PPP1R1C: variants seen among roughly 807,000 people sequenced by gnomAD.
The protein encoded by PPP1R1C is protein phosphatase 1 regulatory inhibitor subunit 1C.
In PPP1R1C, 15 loss-of-function variants were observed where a neutral mutation model predicts 17.4. The ratio of observed to expected loss-of-function variants is 0.86; its 90% CI spans 0.58 to 1.33. The LOEUF (loss-of-function observed/expected upper bound fraction) is 1.33. Ranked by LOEUF, PPP1R1C falls within the 40% of genes most tolerant of loss-of-function variation. The pLI, the probability that PPP1R1C is intolerant of heterozygous loss-of-function variation, is 0.00. For synonymous variants in PPP1R1C, 35 were observed against 43.1 expected, an observed-to-expected ratio of 0.81 and a Z score of 0.73; for missense variants, 143 against 130.0, an observed-to-expected ratio of 1.10 and a Z score of -0.48.
At chr2:182,001,809 A>G (rs955365257) in intron 2 of PPP1R1C, among the ~76,000 whole-genome samples, 1 of 152,154 alleles carries the variant, frequency 6.6e-6, no homozygotes, top group Non-Finnish European at 1.5e-5. Flanking sequence ...CTATGTAAGC[A>G]GAACTTAATG....
intron 2 of PPP1R1C, among the ~76,000 whole-genome samples, chr2:182,022,476 G>A (rs1686456918): frequency 1.3e-5 from 2 of 152,194 alleles, no homozygotes; most frequent in South Asian, 2.1e-4. Context: ...ACTTTAAAAT[G>A]TGGCAGTGAA....
chr2:181,968,984 A>C (rs1684956020), intron 1 of PPP1R1C, among the ~76,000 whole-genome samples: 1 of 152,164 alleles, frequency 6.6e-6, no homozygotes, highest in South Asian at 2.1e-4. Context: ...AACAAATAAA[A>C]TCTGTAAATT....
chr2:182,089,900 T>C (rs890803936), intron 4 of PPP1R1C, among the ~76,000 whole-genome samples: 3 of 152,060 alleles, frequency 2.0e-5, no homozygotes, highest in Admixed American at 1.3e-4. Flanking sequence ...CATTATCTTC[T>C]AATGGCATAA....
intron 2 of PPP1R1C, among the ~76,000 whole-genome samples, chr2:182,024,788 G>C (rs978682865): frequency 4.6e-5 from 7 of 151,972 alleles, no homozygotes; most frequent in Non-Finnish European, 1.0e-4. Context: ...CCAGGAGGCA[G>C]AGGTTGCAGT....
At chr2:182,007,851 A>G (rs531026222) in intron 2 of PPP1R1C, among the ~76,000 whole-genome samples, 25 of 152,290 alleles carry the variant, frequency 1.6e-4, no homozygotes, top group African/African-American at 5.8e-4. Flanking sequence ...TCACGAGGTC[A>G]GGAGATCGAG....
intron 2 of PPP1R1C, among the ~76,000 whole-genome samples, chr2:181,997,854 A>C (rs908540675): frequency 2.0e-5 from 3 of 152,218 alleles, no homozygotes; most frequent in Admixed American, 1.3e-4. Context: ...CATTACAGTT[A>C]ATTTTATCCC....
Position 181,962,254 on chromosome 2 carries a change from TC to T in PPP1R1C, n.111+7623del. 1.4e-6 allele frequency: 1 copy of T among 733,168 alleles called. No homozygotes were observed. The allele number at this position is 733,168 out of a possible 1,614,324, so 45.4% of individuals were successfully genotyped here. On this transcript the variant is annotated intron_variant and non_coding_transcript_variant, in intron 1 of 5. Transcript: ENST00000464264. This position sits in a 1 kb window ranked among gnomAD's most constrained non-coding sequence, Gnocchi z 6.0. The stretch of plus-strand genomic sequence containing the variant: ...TTGTCTCCTTCTTATTCTGGATGCC[TC>T]CCATTCCTGCCAGACCCCCGGCCAT...
At chr2:182,070,265 A>G (rs757428160) in intron 4 of PPP1R1C, among the ~76,000 whole-genome samples, 1 of 152,230 alleles carries the variant, frequency 6.6e-6, no homozygotes, top group Non-Finnish European at 1.5e-5. Flanking sequence ...CCTCCTGCTC[A>G]TGCACACTTG....
Position 181,986,006 on chromosome 2 carries a change from C to T in PPP1R1C, c.-105C>T, listed in dbSNP as rs1317783669. ...AATTACAGCTATTTATTACGAAGCACTCTGTGTGGCTTAGTGGAGTGTGTC... is the reference window on the plus strand; with the variant it reads ...AATTACAGCTATTTATTACGAAGCATTCTGTGTGGCTTAGTGGAGTGTGTC... On this transcript the variant is annotated 5_prime_UTR_variant, in exon 1 of 5. Coordinates refer to ENST00000682840, the MANE Select transcript of PPP1R1C (RefSeq NM_001080545.3). 14 of 861,656 alleles carry T rather than the reference C, an allele frequency of 1.6e-5. No homozygotes were observed. Among genetic ancestry groups the T allele is most frequent in the Non-Finnish European group, 1.8e-5 (9 of 510,946 alleles). 53.4% of individuals were successfully genotyped at this position (861,656 alleles called of 1,614,324 possible).
chr2:181,955,260 T>C (rs959222204), intron 1 of PPP1R1C, among the ~76,000 whole-genome samples: 3 of 152,258 alleles, frequency 2.0e-5, no homozygotes, highest in Non-Finnish European at 4.4e-5. Context: ...TTTCATCAGC[T>C]GTACTTTTCC....
chr2:181,986,001 A>C lies in PPP1R1C; in HGVS notation c.-110A>C. 1.2e-6 allele frequency: 1 copy of C among 825,014 alleles called. No homozygotes were observed. Among genetic ancestry groups the C allele is most frequent in the Non-Finnish European group, 2.1e-6 (1 of 483,362 alleles). 51.1% of individuals were successfully genotyped at this position (825,014 alleles called of 1,614,324 possible). On this transcript the variant is annotated 5_prime_UTR_variant, in exon 1 of 5. Coordinates refer to ENST00000682840, the MANE Select transcript of PPP1R1C (RefSeq NM_001080545.3). ...TCTGGAATTACAGCTATTTATTACG[A>C]AGCACTCTGTGTGGCTTAGTGGAGT...
intron 1 of PPP1R1C, among the ~76,000 whole-genome samples, chr2:181,974,862 A>G (rs1297316630): frequency 3.3e-5 from 5 of 152,258 alleles, no homozygotes; most frequent in Admixed American, 2.0e-4. Flanking sequence ...TTAAAAGGTT[A>G]TACATATTTT....
At chr2:181,978,089 G>A (rs1161122039) in intron 2 of PPP1R1C, among the ~76,000 whole-genome samples, 1 of 152,162 alleles carries the variant, frequency 6.6e-6, no homozygotes, top group Non-Finnish European at 1.5e-5. Context: ...TGTCTTATAT[G>A]GCGGCAGGCA....
At chr2:181,987,789 G>A (rs779925032) in intron 1 of PPP1R1C, 50 bp from the exon 2 acceptor site, 1 of 1,574,490 alleles carries the variant, frequency 6.4e-7, no homozygotes, top group East Asian at 2.2e-5. Flanking sequence ...GAGTAACCTG[G>A]AGCAGTGTCT....
At chr2:181,968,513 C>G (rs1328758859) in intron 1 of PPP1R1C, among the ~76,000 whole-genome samples, 1 of 152,042 alleles carries the variant, frequency 6.6e-6, no homozygotes, top group Non-Finnish European at 1.5e-5. Flanking sequence ...TATAGTTACT[C>G]CTGTTCTATT....
intron 2 of PPP1R1C, among the ~76,000 whole-genome samples, chr2:181,991,025 A>G (rs1685459148): frequency 6.6e-6 from 1 of 152,180 alleles, no homozygotes; most frequent in Admixed American, 6.5e-5. Context: ...TAAATTCTTC[A>G]TTATAGAAAC....
intron 2 of PPP1R1C, among the ~76,000 whole-genome samples, chr2:182,056,482 GT>G (rs1281287386): frequency 6.6e-6 from 1 of 152,120 alleles, no homozygotes; most frequent in Non-Finnish European, 1.5e-5. Context: ...TTACAAGACT[GT>G]TTTTATTGGA....
rs1378150632 is a variant in PPP1R1C, at chr2:182,060,836, T to C, written c.143-606T>C. 2.6e-5 allele frequency among the ~76,000 whole-genome samples: 4 copies of C among 152,118 alleles called. No individual in the cohort carries two copies. In the East Asian group the frequency reaches 7.7e-4, roughly 29 times the overall value. On this transcript the variant is annotated intron_variant, in intron 2 of 4. Coordinates refer to ENST00000682840, the MANE Select transcript of PPP1R1C (RefSeq NM_001080545.3). ...AGAAACCCAGCCCAGAACATCTTCC[T>C]GCTGTGGAAGGGGCATGTGTAAGCA...
At chr2:182,076,192 C>CTTTTTTTTTTTTTTTTTTTTT (rs1688296764) in intron 4 of PPP1R1C, among the ~76,000 whole-genome samples, 1 of 25,836 alleles carries the variant, frequency 3.9e-5, no homozygotes, top group Non-Finnish European at 7.4e-5. Context: ...TTTTTTTTTT[C>CTTTTTTTTTTTTTTTTTTTTT]TTTTCTTTTT....
Sources: gnomAD v4.1 joint callset for allele counts (sites outside exome capture counted in the v4.1 genomes callset) on GRCh38, gnomAD v4.1.1 for gene constraint, Gnocchi (gnomAD v3.1) non-coding constraint, MANE v1.5 for transcripts, NCBI Gene and HGNC (gene_info 2026-07-23, HGNC 2026-07-21) for gene names.